ZNF548: variants seen among roughly 807,000 people sequenced by gnomAD.
ZNF548 encodes zinc finger protein 548.
ZNF548 carries 10 observed loss-of-function variants against 10.2 expected under a neutral mutation model. The observed-to-expected ratio is 0.98, with a 90% CI of 0.60 to 1.66. The LOEUF (loss-of-function observed/expected upper bound fraction) is 1.66. Ranked by LOEUF, ZNF548 falls within the 40% of genes most tolerant of loss-of-function variation. ZNF548 has a pLI of 0.00. For missense variants in ZNF548, 599 were observed against 657.0 expected (o/e 0.91, Z 0.97); for synonymous variants, 217 against 223.5 (o/e 0.97, Z 0.26).
rs1406128379 is a variant in ZNF548 at position 57,402,646 on chromosome 19, A to T, written c.*2757A>T. 1 of 152,190 alleles carries T rather than the reference A, an allele frequency of 6.6e-6. No individual in the cohort carries two copies. Among genetic ancestry groups the T allele is most frequent in the African/African-American group, 2.4e-5 (1 of 41,422 alleles). The allele number at this position is 152,190 out of a possible 1,614,324, so 9.4% of individuals were successfully genotyped here. ...AATCTTTAGCCATTAGCATAACCTCATTTCGTGCCAGCATGTTCACCCTAG... is the reference window on the plus strand; with the variant it reads ...AATCTTTAGCCATTAGCATAACCTCTTTTCGTGCCAGCATGTTCACCCTAG... On this transcript the variant is annotated 3_prime_UTR_variant, in exon 4 of 4. Transcript: ENST00000336128.
Position 57,399,752 on chromosome 19 carries a change from A to C in ZNF548, c.1501A>C (p.Lys501Gln). The stretch of plus-strand genomic sequence containing the variant: ...CGAATGCCAGAAGGCCTTTATTAGA[A>C]AGTCTCACCTGGTTCATCACCAGAA... ...CSECQKAFIR[K>Q]SHLVHHQKIH... Residue 501 changes from lysine (K) to glutamine (Q), a missense_variant, in exon 4 of 4, where the codon AAG becomes CAG. Coordinates refer to ENST00000336128, the MANE Select transcript of ZNF548 (RefSeq NM_001172773.2). This position sits in a 1 kb window ranked among gnomAD's most constrained non-coding sequence, Gnocchi z 4.0. 6.2e-7 allele frequency: 1 copy of C among 1,614,176 alleles called. No individual in the cohort carries two copies. Among genetic ancestry groups the C allele is most frequent in the South Asian group, 1.1e-5 (1 of 91,084 alleles).
chr19:57,400,024 A>G lies in ZNF548; in HGVS notation c.*135A>G, dbSNP rs2088702561. 2 of 675,554 alleles carry G rather than the reference A, an allele frequency of 3.0e-6. No homozygotes were observed. The highest frequency in any genetic ancestry group is 4.9e-6 in the Non-Finnish European group (2 of 408,956). The allele number at this position is 675,554 out of a possible 1,614,324, so 41.8% of individuals were successfully genotyped here. ...ACTCATTCCCCTTCCCTACTTCCCC[A>G]GAAATGTCTCAACTATATTTCTATA... On this transcript the variant is annotated 3_prime_UTR_variant, in exon 4 of 4. Coordinates refer to ENST00000336128, the MANE Select transcript of ZNF548 (RefSeq NM_001172773.2).
intron 1 of ZNF548, 105 bp from the exon 2 acceptor site, chr19:57,394,083 T>G: frequency 8.2e-7 from 1 of 1,226,334 alleles, no homozygotes; most frequent in Non-Finnish European, 1.2e-6. Context: ...TTCAATGAAT[T>G]GAGATCAGTT....
Position 57,398,439 on chromosome 19 carries a change from A to T in ZNF548, c.188A>T (p.His63Leu). 2 of 1,612,628 alleles carry T rather than the reference A, an allele frequency of 1.2e-6. No homozygotes were observed. Among genetic ancestry groups the T allele is most frequent in the Non-Finnish European group, 1.7e-6 (2 of 1,178,696 alleles). Reference sequence around the variant, plus strand: ...ATTTCTGTTCTGACAGGTTCTTGGCATGGAGCTGAGGATGAGGAGGCACCT... The same window carrying T: ...ATTTCTGTTCTGACAGGTTCTTGGCTTGGAGCTGAGGATGAGGAGGCACCT... Reference protein sequence around the residue: ...LALLSSLGSWHGAEDEEAPSQ... With the variant: ...LALLSSLGSWLGAEDEEAPSQ... The change falls in exon 4 of 4, where the codon CAT becomes CTT. Residue 63 changes from histidine (H) to leucine (L), a missense_variant. Coordinates refer to ENST00000336128, the MANE Select transcript of ZNF548 (RefSeq NM_001172773.2).
rs2088692232 is a variant in ZNF548 at position 57,399,163 on chromosome 19, C to G, written c.912C>G (p.Tyr304Ter). The G allele has an allele frequency of 6.2e-7, 1 of 1,613,930 alleles. No homozygotes were observed. The highest frequency in any genetic ancestry group is 1.3e-5 in the African/African-American group (1 of 74,846). Reference sequence around the variant, plus strand: ...ACACATGTGGGAAATTCTTTCGGTACAGCTCCACATTTGTTAGACATCAGA... The same window carrying G: ...ACACATGTGGGAAATTCTTTCGGTAGAGCTCCACATTTGTTAGACATCAGA... ...ECNTCGKFFR[Y>*]SSTFVRHQRV... is the part of the protein sequence containing the mutation. The change falls in exon 4 of 4, where the codon TAC becomes TAG. Residue 304 changes from tyrosine to a stop codon, truncating the protein, a stop_gained. Transcript: ENST00000336128. LOFTEE classifies it low-confidence loss of function (END_TRUNC). This position sits in a 1 kb window ranked among gnomAD's most constrained non-coding sequence, Gnocchi z 4.0.
intron 3 of ZNF548, among the ~76,000 whole-genome samples, chr19:57,398,213 C>A (rs952351720): frequency 3.3e-5 from 5 of 152,138 alleles, no homozygotes; most frequent in Admixed American, 6.5e-5. Flanking sequence ...TGTACCATAC[C>A]CCTCCCTTGT....
rs1400699125 is a variant in ZNF548, at chr19:57,399,875, A to G, written c.1624A>G (p.Lys542Glu). 10 of 1,595,550 alleles carry G rather than the reference A, an allele frequency of 6.3e-6. No homozygotes were observed. The highest frequency in any genetic ancestry group is 8.6e-6 in the Non-Finnish European group (10 of 1,167,912). Reference sequence around the variant, plus strand: ...AAACATCAGAGATTTCACAATGGAGAAAGTTTACCATTGACTATTGTAATT... The same window carrying G: ...AAACATCAGAGATTTCACAATGGAGGAAGTTTACCATTGACTATTGTAATT... ...SLNIRDFTME[K>E]VYH The change falls in exon 4 of 4, where the codon AAA (lysine) becomes GAA (glutamate). Residue 542 changes from lysine (K) to glutamate (E), a missense_variant. Transcript: ENST00000336128. The surrounding 1 kb of genome is among the most constrained non-coding windows in gnomAD (Gnocchi z 4.0).
rs1269786419 is a variant in ZNF548 at position 57,402,156 on chromosome 19, CT to C, written c.*2270del. ...AAGCACCATTTTTTGAAAAGAGCAT[CT>C]TTCCTCTGTTGAGTAGTCTTGGCAC... On this transcript the variant is annotated 3_prime_UTR_variant, in exon 4 of 4. Transcript: ENST00000336128. 2.0e-5 allele frequency: 3 copies of C among 152,194 alleles called. No individual in the cohort carries two copies. The highest frequency in any genetic ancestry group is 7.2e-5 in the African/African-American group (3 of 41,446). 9.4% of individuals were successfully genotyped at this position (152,194 alleles called of 1,614,324 possible).
intron 1 of ZNF548, among the ~76,000 whole-genome samples, chr19:57,392,361 C>T (rs1462143758): frequency 6.6e-6 from 1 of 152,048 alleles, no homozygotes. Flanking sequence ...ATTTTTTTGC[C>T]TAGACCAATG....
rs772997057 is a variant in ZNF548, at chr19:57,393,656, G to A, written c.16-532G>A. On this transcript the variant is annotated intron_variant, in intron 1 of 3. Transcript: ENST00000336128. ...GCCTGGGCAAGAAGAGCAAAACTCT[G>A]TCTCACAATAGAGGAGAGGAGAGGG... Among the ~76,000 whole-genome samples the A allele has an allele frequency of 3.3e-4, 42 of 126,656 alleles. No homozygotes were observed. In the East Asian group the frequency reaches 5.8e-3, roughly 17 times the overall value. 83.1% of individuals were successfully genotyped at this position (126,656 alleles called of 152,430 possible). A position where few individuals can be genotyped will look rare whatever the true frequency, so the allele number is the denominator to read the frequency against.
intron 3 of ZNF548, chr19:57,397,455 G>A: frequency 2.3e-6 from 1 of 428,524 alleles, no homozygotes; most frequent in Non-Finnish European, 4.1e-6. Context: ...TCCCTGGTCA[G>A]GTTACTCTGT....
chr19:57,396,674 G>C (rs960994388), intron 2 of ZNF548, among the ~76,000 whole-genome samples: 1 of 152,242 alleles, frequency 6.6e-6, no homozygotes, highest in African/African-American at 2.4e-5. Flanking sequence ...TGAGGCACCA[G>C]ATTTGGTCAG....
intron 3 of ZNF548, 64 bp from the exon 4 acceptor site, chr19:57,398,366 G>C: frequency 6.3e-7 from 1 of 1,578,516 alleles, no homozygotes. Context: ...ACACACATTT[G>C]TGATGGAGCT....
In ZNF548 at chr19:57,398,892, G is replaced by A. The variant is rs369202044; in HGVS notation, c.641G>A (p.Cys214Tyr). 15 of 1,614,052 alleles carry A rather than the reference G, an allele frequency of 9.3e-6. No individual in the cohort carries two copies. The highest frequency in any genetic ancestry group is 1.3e-5 in the Non-Finnish European group (15 of 1,179,908). ...TGQNDYKCSECGKTFTCSYSF... is the reference protein window; with the variant it reads ...TGQNDYKCSEYGKTFTCSYSF... ...CAAAATGATTACAAATGTAGTGAAT[G>A]TGGGAAAACCTTCACCTGCAGCTAT... The change falls in exon 4 of 4, where the codon TGT becomes TAT. Residue 214 changes from cysteine to tyrosine, a missense_variant. Cys to Tyr is a radical substitution (Grantham distance 194). Coordinates refer to ENST00000336128, the MANE Select transcript of ZNF548 (RefSeq NM_001172773.2).
At chr19:57,391,789 G>T (rs868176660) in intron 1 of ZNF548, among the ~76,000 whole-genome samples, 21 of 93,548 alleles carry the variant, frequency 2.2e-4, no homozygotes, top group Admixed American at 5.8e-4. Context: ...TGTGCTTACT[G>T]TTTTTTTTTT....
At position 57,399,652 on chromosome 19, in the gene ZNF548, G is replaced by C. The variant is rs755983640; in HGVS notation, c.1401G>C (p.Gly467=). Residue 467 remains glycine (G), a synonymous_variant, in exon 4 of 4, where the codon GGG becomes GGC. Coordinates refer to ENST00000336128, the MANE Select transcript of ZNF548 (RefSeq NM_001172773.2). This position sits in a 1 kb window ranked among gnomAD's most constrained non-coding sequence, Gnocchi z 4.0. ...GGCCTTACGAGTGCAGAGAGTGTGG[G>C]AAAGCCTTTAGCCACAAGCATATAC... ...GERPYECREC[G]KAFSHKHILV... The C allele has an allele frequency of 3.1e-6, 5 of 1,613,994 alleles. No homozygotes were observed. The highest frequency in any genetic ancestry group is 4.2e-6 in the Non-Finnish European group (5 of 1,179,998).
rs377513609 is a variant in ZNF548 at position 57,398,984 on chromosome 19, T to G, written c.733T>G (p.Phe245Val). 8.1e-6 allele frequency: 13 copies of G among 1,613,888 alleles called. No individual in the cohort carries two copies. Among genetic ancestry groups the G allele is most frequent in the African/African-American group, 1.3e-5 (1 of 74,896 alleles). Residue 245 changes from phenylalanine to valine, a missense_variant, in exon 4 of 4, where the codon TTC (phenylalanine) becomes GTC (valine). Physicochemically the swap from Phe to Val is conservative, Grantham distance 50. Coordinates refer to ENST00000336128, the MANE Select transcript of ZNF548 (RefSeq NM_001172773.2). ...TTATGAATGTAACAAATGTGGGAAA[T>G]TCTTTAAGTACAGTGCCAATTTCAT... ...RSYECNKCGK[F>V]FKYSANFMKH...
rs1041502322 is a variant in ZNF548, at chr19:57,395,044, A to G, written c.51+821A>G. ...AGTTCAGGTTGGAGATGTCCACACTATGGTGGCTGTCGTATGGACCAGGAT... is the reference window on the plus strand; with the variant it reads ...AGTTCAGGTTGGAGATGTCCACACTGTGGTGGCTGTCGTATGGACCAGGAT... On this transcript the variant is annotated intron_variant, in intron 2 of 3. Coordinates refer to ENST00000336128, the MANE Select transcript of ZNF548 (RefSeq NM_001172773.2). The surrounding 1 kb of genome is among the most constrained non-coding windows in gnomAD (Gnocchi z 4.8). 1.3e-5 allele frequency among the ~76,000 whole-genome samples: 2 copies of G among 152,026 alleles called. No individual in the cohort carries two copies. The highest frequency in any genetic ancestry group is 4.8e-5 in the African/African-American group (2 of 41,274).
intron 1 of ZNF548, chr19:57,393,909 G>A (rs1189025760): frequency 1.5e-5 from 7 of 481,724 alleles, no homozygotes; most frequent in South Asian, 3.1e-5. Flanking sequence ...GACCATAGCC[G>A]CTGATATATA....
Sources: gnomAD v4.1 joint callset for allele counts (sites outside exome capture counted in the v4.1 genomes callset) on GRCh38, gnomAD v4.1.1 for gene constraint, Gnocchi (gnomAD v3.1) non-coding constraint, MANE v1.5 for transcripts, NCBI Gene and HGNC (gene_info 2026-07-23, HGNC 2026-07-21) for gene names.